SHPRH: variants seen among roughly 807,000 people sequenced by gnomAD.
The protein encoded by SHPRH is E3 ubiquitin-protein ligase SHPRH.
In SHPRH, 106 loss-of-function variants were observed where a neutral mutation model predicts 202.5. The ratio of observed to expected loss-of-function variants is 0.52; its 90% CI spans 0.45 to 0.62. The LOEUF (loss-of-function observed/expected upper bound fraction) is 0.62, where lower values mean the gene tolerates loss of function less well. Ranked by LOEUF, SHPRH falls within the 20% of genes least tolerant of loss-of-function variation. The pLI is 0.00. For missense variants in SHPRH, 1,710 were observed against 2,020.0 expected (o/e 0.85, Z 2.94); for synonymous variants, 729 against 686.0 (o/e 1.06, Z -0.98).
chr6:145,900,952 C>G (rs1232487439), intron 25 of SHPRH, among the ~76,000 whole-genome samples: 1 of 152,024 alleles, frequency 6.6e-6, no homozygotes, highest in Non-Finnish European at 1.5e-5. Flanking sequence ...TACTTGAAAA[C>G]TGCTAAGAGG....
In SHPRH at chr6:145,921,236, A is replaced by G; in HGVS notation, c.3939T>C (p.Phe1313=). The change falls in exon 21 of 30, where the codon TTT becomes TTC. Residue 1313 remains phenylalanine (F), a synonymous_variant. Transcript: ENST00000275233. Reference sequence around the variant, plus strand: ...TTCCTTCATCAACAAATTCAACATCAAACCTATGTGATTTTGCAAATGATA... The same window carrying G: ...TTCCTTCATCAACAAATTCAACATCGAACCTATGTGATTTTGCAAATGATA... ...AILSFAKSHR[F]DVEFVDEGST... is the part of the protein sequence containing the mutation. 1 of 1,612,876 alleles carries G rather than the reference A, an allele frequency of 6.2e-7. No individual in the cohort carries two copies.
chr6:145,892,301 A>G (rs2128714380), intron 28 of SHPRH, among the ~76,000 whole-genome samples: 2 of 152,260 alleles, frequency 1.3e-5, no homozygotes, highest in East Asian at 3.9e-4. Context: ...TTCCTTCAAG[A>G]CTTAACACCA....
rs138834266 is a variant in SHPRH at position 145,893,772 on chromosome 6, C to T, written c.4695+378G>A. On this transcript the variant is annotated intron_variant, in intron 27 of 29. Coordinates refer to ENST00000275233, the MANE Select transcript of SHPRH (RefSeq NM_001042683.3). Reference sequence around the variant, plus strand: ...GTCTCTGTGTGTGCCTGAGGTCATACGCCTGTCACTGTGCTGAGCATGATG... The same window carrying T: ...GTCTCTGTGTGTGCCTGAGGTCATATGCCTGTCACTGTGCTGAGCATGATG... Among the ~76,000 whole-genome samples, 347 of 152,160 alleles carry T rather than the reference C, an allele frequency of 2.3e-3. 5 individuals carry two copies. Among genetic ancestry groups the T allele is most frequent in the Admixed American group, 0.02 (299 of 15,244 alleles).
intron 1 of SHPRH, among the ~76,000 whole-genome samples, chr6:145,955,760 T>C (rs1252539890): frequency 1.3e-5 from 2 of 151,332 alleles, no homozygotes; most frequent in African/African-American, 4.9e-5. Flanking sequence ...GCATCAAATC[T>C]AAAATTATCA....
intron 1 of SHPRH, among the ~76,000 whole-genome samples, chr6:145,957,455 A>G (rs1788621167): frequency 6.6e-6 from 1 of 152,206 alleles, no homozygotes; most frequent in African/African-American, 2.4e-5. Flanking sequence ...TAGCAAATCA[A>G]GTATCTGATG....
chr6:145,870,924 T>C (rs1780029555), intron 2 of SHPRH: 1 of 152,196 alleles, frequency 6.6e-6, no homozygotes, highest in Admixed American at 6.5e-5. Flanking sequence ...TGATTTTTCT[T>C]CTTAGGCTCT....
chr6:145,940,001 T>C (rs928601603), intron 11 of SHPRH, among the ~76,000 whole-genome samples: 6 of 152,236 alleles, frequency 3.9e-5, no homozygotes, highest in African/African-American at 1.4e-4. Context: ...ATAACAACTT[T>C]TAGGGAAATA....
In SHPRH at chr6:145,878,915, A is replaced by G. The variant is rs371731511; in HGVS notation, c.221+9105T>C. ...TGGAGATAAAAGCTAATCAGTGTGT[A>G]TAACAATTACTGATATCAAAATCAA... On this transcript the variant is annotated intron_variant, in intron 2 of 2. Coordinates refer to the SHPRH transcript ENST00000417762. Among the ~76,000 whole-genome samples, 6 of 152,364 alleles carry G rather than the reference A, an allele frequency of 3.9e-5. No individual in the cohort carries two copies. The South Asian group carries it at 6.2e-4, about 16-fold the overall frequency.
At chr6:145,859,752 A>C (rs1254478624), downstream of SHPRH, among the ~76,000 whole-genome samples, 1 of 152,032 alleles carries the variant, frequency 6.6e-6, no homozygotes, top group African/African-American at 2.4e-5. Context: ...AACAATACCC[A>C]AGCAGCTTTG....
At chr6:145,919,848 C>T (rs576370121) in intron 21 of SHPRH, among the ~76,000 whole-genome samples, 1 of 152,120 alleles carries the variant, frequency 6.6e-6, no homozygotes, top group Non-Finnish European at 1.5e-5. Flanking sequence ...AACAAGAATA[C>T]TAAAATATAC....
At chr6:145,963,353 T>A (rs890967751) in intron 1 of SHPRH, among the ~76,000 whole-genome samples, 1 of 152,192 alleles carries the variant, frequency 6.6e-6, no homozygotes, top group African/African-American at 2.4e-5. Flanking sequence ...AAGCCCCAAG[T>A]TCCTTAAGTT....
intron 2 of SHPRH, among the ~76,000 whole-genome samples, chr6:145,873,035 G>A (rs923269720): frequency 6.6e-6 from 1 of 152,188 alleles, no homozygotes; most frequent in African/African-American, 2.4e-5. Context: ...GTGTGTTGGA[G>A]AGTAGGGAGA....
chr6:145,962,201 G>A (rs1789157777), intron 1 of SHPRH, among the ~76,000 whole-genome samples: 1 of 152,186 alleles, frequency 6.6e-6, no homozygotes, highest in South Asian at 2.1e-4. Context: ...GAGAAGCTGA[G>A]TTAAGGGCCT....
intron 28 of SHPRH, among the ~76,000 whole-genome samples, chr6:145,892,234 T>C (rs1403310569): frequency 6.6e-6 from 1 of 152,150 alleles, no homozygotes; most frequent in African/African-American, 2.4e-5. Context: ...TATTTTTGCA[T>C]ATATAACTCT....
intron 2 of SHPRH, among the ~76,000 whole-genome samples, chr6:145,952,848 T>C (rs1788126438): frequency 6.6e-6 from 1 of 152,070 alleles, no homozygotes; most frequent in African/African-American, 2.4e-5. Context: ...ATGACATACA[T>C]GCTAGGAATC....
intron 1 of SHPRH, among the ~76,000 whole-genome samples, chr6:145,963,194 C>T (rs926543274): frequency 6.6e-6 from 1 of 152,190 alleles, no homozygotes; most frequent in African/African-American, 2.4e-5. Context: ...CTGTCTCCAG[C>T]ATGTTTACTA....
the SHPRH span, among the ~76,000 whole-genome samples, chr6:145,858,552 G>A: frequency 6.6e-5 from 10 of 151,918 alleles, no homozygotes; most frequent in African/African-American, 9.7e-5. Flanking sequence ...TTGGGAAGAG[G>A]GGAATGAGTA....
intron 14 of SHPRH, among the ~76,000 whole-genome samples, chr6:145,931,849 C>T (rs1383732465): frequency 1.3e-5 from 2 of 151,608 alleles, no homozygotes; most frequent in Non-Finnish European, 2.9e-5. Context: ...ATTGCTTTTA[C>T]ACATTGTACA....
intron 2 of SHPRH, among the ~76,000 whole-genome samples, chr6:145,871,754 A>C (rs1780064948): frequency 6.6e-6 from 1 of 152,204 alleles, no homozygotes; most frequent in Admixed American, 6.5e-5. Context: ...TCCTTAGCAA[A>C]AAGAACAAAG....
Sources: allele counts gnomAD v4.1 joint callset (sites outside exome capture counted in the v4.1 genomes callset), GRCh38; gene constraint gnomAD v4.1.1; transcripts MANE v1.5; gene names NCBI Gene and HGNC (gene_info 2026-07-23, HGNC 2026-07-21).